The following TCTN1 variants were observed in gnomAD, a reference collection of about 807,000 sequenced individuals.
TCTN1 encodes tectonic-1.
In TCTN1, 58 loss-of-function variants were observed where a neutral mutation model predicts 65.8. The ratio of observed to expected loss-of-function variants is 0.88; its 90% CI spans 0.71 to 1.10. TCTN1 has a LOEUF of 1.10. Ranked by LOEUF, TCTN1 falls within the 50% of genes least tolerant of loss-of-function variation. The pLI, the probability that TCTN1 is intolerant of heterozygous loss-of-function variation, is 0.00. For missense variants in TCTN1, 645 were observed against 719.4 expected (o/e 0.90, Z 1.18); for synonymous variants, 273 against 289.1 (o/e 0.94, Z 0.57).
chr12:110,627,939 C>T, intron 3 of TCTN1: 2 of 1,120,902 alleles, frequency 1.8e-6, no homozygotes, highest in Non-Finnish European at 1.3e-6. Context: ...GGCAGATGCT[C>T]TGTGTGATTT....
rs1165147195 is a variant in TCTN1, at chr12:110,649,382, C to T, written c.*341C>T. 2 of 1,587,574 alleles carry T rather than the reference C, an allele frequency of 1.3e-6. No homozygotes were observed. The highest frequency in any genetic ancestry group is 1.7e-6 in the Non-Finnish European group (2 of 1,158,814). ...ACAGCACAGGCCCATGAGACAGTGT[C>T]TTCTTTTTGAGGGGAGCTGGTCCGG... On this transcript the variant is annotated 3_prime_UTR_variant, in exon 15 of 15. Transcript: ENST00000397659.
intron 1 of TCTN1, among the ~76,000 whole-genome samples, chr12:110,614,857 C>T (rs753192183): frequency 2.0e-5 from 3 of 152,112 alleles, no homozygotes; most frequent in Non-Finnish European, 4.4e-5. Context: ...CAGGATTCCT[C>T]CTGTGTTGAA....
chr12:110,618,440 C>T (rs913264625), intron 1 of TCTN1, among the ~76,000 whole-genome samples: 2 of 152,068 alleles, frequency 1.3e-5, no homozygotes, highest in African/African-American at 2.4e-5. Flanking sequence ...GGGGTTTCAC[C>T]GTGTTAGCCA....
chr12:110,624,497 A>T lies in TCTN1; in HGVS notation c.342-1865A>T, dbSNP rs187283614. 8.6e-4 allele frequency among the ~76,000 whole-genome samples: 131 copies of T among 152,062 alleles called. 3 individuals carry two copies. The highest frequency in any genetic ancestry group is 8.6e-3 in the Admixed American group (131 of 15,258). Reference sequence around the variant, plus strand: ...AATGCTGGGATTACAGGCATGAGCCATGGTGCTTGGCCTGTATCTGTATCT... The same window carrying T: ...AATGCTGGGATTACAGGCATGAGCCTTGGTGCTTGGCCTGTATCTGTATCT... On this transcript the variant is annotated intron_variant, in intron 2 of 14. Coordinates refer to ENST00000397659, the MANE Select transcript of TCTN1 (RefSeq NM_001082538.3).
chr12:110,641,620 C>T lies in TCTN1; in HGVS notation c.1183C>T (p.His395Tyr). 1.9e-6 allele frequency: 3 copies of T among 1,614,144 alleles called. No individual in the cohort carries two copies. The highest frequency in any genetic ancestry group is 2.5e-6 in the Non-Finnish European group (3 of 1,179,944). Residue 395 changes from histidine (H) to tyrosine (Y), a missense_variant, in exon 10 of 15, where the codon CAT (histidine) becomes TAT (tyrosine). His to Tyr is a moderately conservative substitution (Grantham distance 83). Coordinates refer to ENST00000397659, the MANE Select transcript of TCTN1 (RefSeq NM_001082538.3). ...GLPLAAGFQP[H>Y]KGSGIIQTTN... ...CCCATTAGCTGCTGGATTCCAGCCT[C>T]ATAAGGGATATCCTTTTTGGTTCTG...
At chr12:110,615,809 T>G (rs1417711330) in intron 1 of TCTN1, among the ~76,000 whole-genome samples, 1 of 152,160 alleles carries the variant, frequency 6.6e-6, no homozygotes, top group Non-Finnish European at 1.5e-5. Context: ...AGATCTTTTC[T>G]CAAATTGATT....
rs762127242 is a variant in TCTN1, at chr12:110,640,495, T to G, written c.956T>G (p.Leu319Arg). ...PTLVNAGHFS[L>R]CVNVVLEVKY... ...CTCGTCAACGCTGGACACTTTAGCCTTTGCGTGAATGTTGTTCTTGAGGTA... is the reference window on the plus strand; with the variant it reads ...CTCGTCAACGCTGGACACTTTAGCCGTTGCGTGAATGTTGTTCTTGAGGTA... The change falls in exon 8 of 15, where the codon CTT becomes CGT. Residue 319 changes from leucine to arginine, a missense_variant. By Grantham distance (102) the Leu-to-Arg change is moderately radical. Coordinates refer to ENST00000397659, the MANE Select transcript of TCTN1 (RefSeq NM_001082538.3). The surrounding 1 kb of genome is among the most constrained non-coding windows in gnomAD (Gnocchi z 4.9). The G allele has an allele frequency of 3.6e-5, 58 of 1,614,112 alleles. No individual in the cohort carries two copies. The highest frequency in any genetic ancestry group is 4.7e-5 in the Non-Finnish European group (56 of 1,180,042).
rs751252267 is a variant in TCTN1, at chr12:110,632,530, C to A, written c.683C>A (p.Ser228Ter). 2 of 1,614,034 alleles carry A rather than the reference C, an allele frequency of 1.2e-6. No individual in the cohort carries two copies. Among genetic ancestry groups the A allele is most frequent in the South Asian group, 1.1e-5 (1 of 91,080 alleles). The change falls in exon 5 of 15, where the codon TCA (serine) becomes TAA (stop). Residue 228 changes from serine (S) to a stop codon, truncating the protein, a stop_gained. Coordinates refer to ENST00000397659, the MANE Select transcript of TCTN1 (RefSeq NM_001082538.3). LOFTEE classifies it high-confidence loss of function. The stretch of plus-strand genomic sequence containing the variant: ...CTGAGATTTCCTTCGTCCCTGACAT[C>A]ATCTCTGTGCACTGATAATAACCCT... ...SFLRFPSSLT[S>*]SLCTDNNPAA...
chr12:110,631,882 T>A lies in TCTN1; in HGVS notation c.625-590T>A, dbSNP rs1052842968. ...TTGCCCTCCAGAAAAATTGCAGTGC[T>A]TTACACTCCCAGCTCCAGTGAGTGG... On this transcript the variant is annotated intron_variant, in intron 4 of 14. Transcript: ENST00000397659. Among the ~76,000 whole-genome samples the A allele has an allele frequency of 2.0e-5, 3 of 152,202 alleles. No homozygotes were observed. In the East Asian group the frequency reaches 5.8e-4, roughly 29 times the overall value.
At position 110,647,304 on chromosome 12, in the gene TCTN1, A is replaced by G. The variant is rs2067392488; in HGVS notation, c.1603A>G (p.Thr535Ala). The change falls in exon 13 of 15, where the codon ACT becomes GCT. Residue 535 changes from threonine to alanine, a missense_variant. Transcript: ENST00000397659. ...TCCACAGGCCAAAATAGTCAATGTA[A>G]CTGCAAATCTAATTTCATCCTCCTT... is the stretch of plus-strand genomic sequence containing the variant. ...LNPQAKIVNV[T>A]ANLISSSFPE... 6.2e-7 allele frequency: 1 copy of G among 1,614,242 alleles called. No homozygotes were observed.
At chr12:110,647,077 G>A (rs1339707428) in intron 12 of TCTN1, 119 bp from the exon 13 acceptor site, 22 of 1,195,220 alleles carry the variant, frequency 1.8e-5, no homozygotes, top group Non-Finnish European at 2.7e-5. Flanking sequence ...TGAACTTGTA[G>A]AGTCTATTCA....
chr12:110,628,105 C>G (rs1476358813), intron 3 of TCTN1: 1 of 1,535,970 alleles, frequency 6.5e-7, no homozygotes. Context: ...AAGTCGGATT[C>G]TTTCATTCCC....
chr12:110,617,629 T>C (rs2065133464), intron 1 of TCTN1, among the ~76,000 whole-genome samples: 1 of 151,318 alleles, frequency 6.6e-6, no homozygotes, highest in African/African-American at 2.4e-5. Context: ...TACATTTTTC[T>C]TTTCTCTTTT....
At position 110,639,438 on chromosome 12, in the gene TCTN1, C is replaced by CTGTGTG. The variant is rs10673730; in HGVS notation, c.844-927_844-922dup. Among the ~76,000 whole-genome samples, 6 of 148,042 alleles carry CTGTGTG rather than the reference C, an allele frequency of 4.1e-5. No homozygotes were observed. Among genetic ancestry groups the CTGTGTG allele is most frequent in the Non-Finnish European group, 6.0e-5 (4 of 66,754 alleles). On this transcript the variant is annotated intron_variant, in intron 7 of 14. Coordinates refer to ENST00000397659, the MANE Select transcript of TCTN1 (RefSeq NM_001082538.3). The surrounding 1 kb of genome is among the most constrained non-coding windows in gnomAD (Gnocchi z 4.9). ...ATAATCCTACCACCCAGAGAAACCA[C>CTGTGTG]TGTGTGTGTGTGTGTGTGTGTGTAT...
Position 110,647,339 on chromosome 12 carries a change from AG to A in TCTN1, c.1635+5del. 1.2e-6 allele frequency: 2 copies of A among 1,614,198 alleles called. No homozygotes were observed. Among genetic ancestry groups the A allele is most frequent in the Non-Finnish European group, 1.7e-6 (2 of 1,180,036 alleles). The stretch of plus-strand genomic sequence containing the variant: ...TAATTTCATCCTCCTTTCCTGAGGT[AG>A]GCCTAACCTAGTTTAAAGGCATAGG... On this transcript the variant is annotated splice_donor_region_variant and intron_variant, in intron 13 of 14. Coordinates refer to ENST00000397659, the MANE Select transcript of TCTN1 (RefSeq NM_001082538.3).
chr12:110,644,994 C>G lies in TCTN1; in HGVS notation c.1359C>G (p.Leu453=). The G allele has an allele frequency of 6.2e-7, 1 of 1,614,216 alleles. No individual in the cohort carries two copies. Among genetic ancestry groups the G allele is most frequent in the Non-Finnish European group, 8.5e-7 (1 of 1,180,036 alleles). ...LRLTGALPCQ[L]VAQKVKSLLW... ...TGACTGGAGCTCTCCCGTGTCAGCT[C>G]GTAGCACAGAAGGTGAAGAGCCTGC... The change falls in exon 12 of 15, where the codon CTC becomes CTG. Residue 453 remains leucine (L), a synonymous_variant. Coordinates refer to ENST00000397659, the MANE Select transcript of TCTN1 (RefSeq NM_001082538.3). The surrounding 1 kb of genome is among the most constrained non-coding windows in gnomAD (Gnocchi z 4.6).
chr12:110,617,236 G>A (rs569854709), intron 1 of TCTN1, among the ~76,000 whole-genome samples: 6 of 152,180 alleles, frequency 3.9e-5, no homozygotes, highest in Admixed American at 3.3e-4. Flanking sequence ...AAACTTTAGG[G>A]GGAAAGCTTT....
chr12:110,614,436 G>A lies in TCTN1; in HGVS notation c.220+34G>A, dbSNP rs766922856. 1.0e-5 allele frequency: 16 copies of A among 1,569,458 alleles called. No individual in the cohort carries two copies. The African/African-American group carries it at 1.3e-4, about 13-fold the overall frequency. Reference sequence around the variant, plus strand: ...CATGTGCCAGCTCCTGGAGTCCACAGTGATCCAACCTCAAGGGGACAGCCC... The same window carrying A: ...CATGTGCCAGCTCCTGGAGTCCACAATGATCCAACCTCAAGGGGACAGCCC... On this transcript the variant is annotated intron_variant, in intron 1 of 14. Coordinates refer to ENST00000397659, the MANE Select transcript of TCTN1 (RefSeq NM_001082538.3).
intron 14 of TCTN1, 85 bp from the exon 15 acceptor site, chr12:110,648,958 A>G (rs769770058): frequency 6.3e-5 from 27 of 430,548 alleles, no homozygotes; most frequent in South Asian, 1.7e-4. Flanking sequence ...GGAAACTGAG[A>G]CGAAGCTATT....
Sources: allele counts gnomAD v4.1 joint callset (sites outside exome capture counted in the v4.1 genomes callset), GRCh38; gene constraint gnomAD v4.1.1; non-coding constraint Gnocchi (gnomAD v3.1); transcripts MANE v1.5; gene names NCBI Gene and HGNC (gene_info 2026-07-23, HGNC 2026-07-21).